The following RGS6 variants were observed in gnomAD, a reference collection of about 807,000 sequenced individuals.
RGS6 encodes the protein regulator of G protein signaling 6.
A neutral mutation model predicts 78.5 loss-of-function variants in RGS6; 30 were observed. The ratio of observed to expected loss-of-function variants is 0.38; its 90% CI spans 0.29 to 0.52. RGS6 has a LOEUF of 0.52. RGS6 is among the 20% of genes least tolerant of loss of function. The pLI, the probability that RGS6 is intolerant of heterozygous loss-of-function variation, is 0.85. For missense variants in RGS6, 495 were observed against 609.7 expected, an observed-to-expected ratio of 0.81 and a Z score of 1.98; for synonymous variants, 206 against 206.0, an observed-to-expected ratio of 1.00 and a Z score of 0.00.
chr14:72,327,563 T>C (rs1340289900), intron 2 of RGS6, among the ~76,000 whole-genome samples: 2 of 152,226 alleles, frequency 1.3e-5, no homozygotes, highest in Non-Finnish European at 2.9e-5. Flanking sequence ...GCAGCGTACA[T>C]CACCAGTCAG....
At chr14:72,038,008 T>C (rs1379168300) in intron 2 of RGS6, among the ~76,000 whole-genome samples, 1 of 143,552 alleles carries the variant, frequency 7.0e-6, no homozygotes, top group African/African-American at 2.6e-5. Context: ...GCTCGCTCTG[T>C]TGCCCAGGCT....
chr14:72,611,121 C>G, the RGS6 span, among the ~76,000 whole-genome samples: 1 of 152,108 alleles, frequency 6.6e-6, no homozygotes, highest in Non-Finnish European at 1.5e-5. Context: ...GGCCACCCCC[C>G]ACAGAGAAGC....
chr14:72,599,400 T>TG, the RGS6 span, among the ~76,000 whole-genome samples: 2 of 94,940 alleles, frequency 2.1e-5, no homozygotes, highest in Admixed American at 1.0e-4. Flanking sequence ...TTCCTTTTTT[T>TG]TTTTTTTTTT....
At chr14:72,522,907 G>A (rs1230429262) in intron 15 of RGS6, among the ~76,000 whole-genome samples, 1 of 152,206 alleles carries the variant, frequency 6.6e-6, no homozygotes, top group Non-Finnish European at 1.5e-5. Flanking sequence ...TCAGTTTTTG[G>A]GGGAGAGTAA....
the RGS6 span, among the ~76,000 whole-genome samples, chr14:72,624,581 C>T: frequency 1.4e-4 from 21 of 152,238 alleles, no homozygotes; most frequent in African/African-American, 4.1e-4. Flanking sequence ...TCAGGTAATC[C>T]GCCCGCCTCA....
At chr14:72,025,354 G>T (rs551644158) in intron 2 of RGS6, among the ~76,000 whole-genome samples, 2 of 151,724 alleles carry the variant, frequency 1.3e-5, no homozygotes, top group African/African-American at 4.8e-5. Flanking sequence ...AATTATACAG[G>T]GTTAACAAAA....
At chr14:71,986,754 A>C (rs965602729) in intron 2 of RGS6, among the ~76,000 whole-genome samples, 6 of 152,146 alleles carry the variant, frequency 3.9e-5, no homozygotes, top group Non-Finnish European at 8.8e-5. Context: ...ATTTTCTTAT[A>C]ATTCTAGAAA....
intron 1 of RGS6, among the ~76,000 whole-genome samples, chr14:71,957,546 G>A (rs1410413325): frequency 6.7e-6 from 1 of 148,356 alleles, no homozygotes; most frequent in Admixed American, 6.8e-5. Context: ...TGTTGAAAGG[G>A]TGGGATGAGT....
chr14:72,558,731 A>C (rs1473114721), intron 17 of RGS6, among the ~76,000 whole-genome samples: 1 of 152,244 alleles, frequency 6.6e-6, no homozygotes, highest in Non-Finnish European at 1.5e-5. Context: ...CCCATGGTCC[A>C]TGAAATTGAA....
intron 3 of RGS6, among the ~76,000 whole-genome samples, chr14:72,412,990 A>G (rs915891576): frequency 2.6e-5 from 4 of 152,182 alleles, no homozygotes; most frequent in Admixed American, 6.5e-5. Flanking sequence ...ACTTCCAACT[A>G]TGTGGTCAAT....
chr14:72,422,217 T>C (rs758399124), intron 3 of RGS6, among the ~76,000 whole-genome samples: 62 of 152,338 alleles, frequency 4.1e-4, no homozygotes, highest in Non-Finnish European at 7.9e-4. Flanking sequence ...AACCTCTTTC[T>C]TTTGTAAATT....
intron 2 of RGS6, among the ~76,000 whole-genome samples, chr14:72,328,248 C>T (rs2074236267): frequency 6.6e-6 from 1 of 152,134 alleles, no homozygotes; most frequent in Admixed American, 6.5e-5. Flanking sequence ...TTCAGAAACA[C>T]ACTCACAGTC....
intron 13 of RGS6, 99 bp downstream of exon 13, chr14:72,495,361 A>G: frequency 1.2e-6 from 1 of 839,838 alleles, no homozygotes; most frequent in South Asian, 1.4e-5. Flanking sequence ...GACATTTTTT[A>G]TCGCTAGAAC....
chr14:72,181,926 C>T (rs1245321943), intron 2 of RGS6, among the ~76,000 whole-genome samples: 2 of 152,236 alleles, frequency 1.3e-5, no homozygotes, highest in East Asian at 3.9e-4. Context: ...AATGTATGTG[C>T]ACTTGCAGAT....
intron 2 of RGS6, among the ~76,000 whole-genome samples, chr14:71,984,298 T>TAAAA (rs59180817): frequency 3.3e-4 from 40 of 119,970 alleles, no homozygotes; most frequent in South Asian, 5.5e-4. Context: ...TGAATTATGT[T>TAAAA]AAAAAAAAAA....
chr14:72,506,900 G>A (rs1290353278), intron 13 of RGS6, among the ~76,000 whole-genome samples: 1 of 141,822 alleles, frequency 7.1e-6, no homozygotes, highest in African/African-American at 2.5e-5. Flanking sequence ...TGTAATCCCA[G>A]CACTTTGGGA....
intron 2 of RGS6, among the ~76,000 whole-genome samples, chr14:72,119,599 A>T (rs1034483875): frequency 6.6e-6 from 1 of 152,218 alleles, no homozygotes; most frequent in Non-Finnish European, 1.5e-5. Flanking sequence ...CACAGATCAA[A>T]TTCAAGTACT....
At chr14:72,180,915 C>A (rs1366872526) in intron 2 of RGS6, among the ~76,000 whole-genome samples, 1 of 152,210 alleles carries the variant, frequency 6.6e-6, no homozygotes, top group African/African-American at 2.4e-5. Context: ...TCCCAGCCTC[C>A]AGAACTGTGA....
At chr14:72,521,637 C>G (rs976744037) in intron 15 of RGS6, among the ~76,000 whole-genome samples, 4 of 152,252 alleles carry the variant, frequency 2.6e-5, no homozygotes, top group African/African-American at 7.2e-5. Context: ...AAATAAAACA[C>G]TCTTCCTAAG....
Sources: allele counts gnomAD v4.1 joint callset (sites outside exome capture counted in the v4.1 genomes callset), GRCh38; gene constraint gnomAD v4.1.1; transcripts MANE v1.5; gene names NCBI Gene and HGNC (gene_info 2026-07-23, HGNC 2026-07-21).